Variants in PSG5 observed in about 807,000 individuals in gnomAD.
PSG5 encodes the protein pregnancy-specific beta-1-glycoprotein 5.
In PSG5, 53 loss-of-function variants were observed where a neutral mutation model predicts 37.7. The observed-to-expected ratio is 1.41, with a 90% CI of 1.13 to 1.77. The LOEUF is 1.77. Among genes scored for constraint, PSG5 ranks in the 40% most tolerant of loss-of-function variants. The probability of loss-of-function intolerance (pLI) is 0.00; values close to 1 mark genes in which losing one functional copy is unlikely to be tolerated. For missense variants in PSG5, 547 were observed against 405.2 expected, an observed-to-expected ratio of 1.35 and a Z score of -3.00; for synonymous variants, 221 against 155.4, an observed-to-expected ratio of 1.42 and a Z score of -3.14.
intron 1 of PSG5, among the ~76,000 whole-genome samples, chr19:43,185,757 T>C (rs1235746426): frequency 6.6e-6 from 1 of 151,496 alleles, no homozygotes; most frequent in African/African-American, 2.4e-5. Flanking sequence ...CCCCCAATTG[T>C]TGAGGATTTT....
intron 4 of PSG5, chr19:43,171,518 G>T (rs1330012692): frequency 1.0e-5 from 3 of 292,866 alleles, no homozygotes; most frequent in African/African-American, 2.2e-5. Flanking sequence ...AAATAATAAG[G>T]ATTAGAGTGG....
intron 5 of PSG5, 70 bp from the exon 6 acceptor site, chr19:43,168,273 A>G (rs2122189732): frequency 2.7e-6 from 1 of 372,948 alleles, no homozygotes; most frequent in Non-Finnish European, 5.0e-6. Flanking sequence ...GTAAAGACAC[A>G]GCTCACATAG....
At chr19:43,185,908 C>A (rs1966928073) in intron 1 of PSG5, among the ~76,000 whole-genome samples, 1 of 148,422 alleles carries the variant, frequency 6.7e-6, no homozygotes, top group Admixed American at 6.7e-5. Context: ...ACCTCTGTCC[C>A]TCTCTGGTGT....
rs185132325 is a variant in PSG5 at position 43,179,256 on chromosome 19, C to A, written c.431-3108G>T. ...TTGGCATTTCCCACCTGTCAGCCCA[C>A]CCAAGTCCTTAAAAGCCCATGGCAG... On this transcript the variant is annotated intron_variant, in intron 2 of 5. Transcript: ENST00000342951. 4.7e-3 allele frequency: 6,462 copies of A among 1,368,954 alleles called. 142 individuals are homozygous for A. Among genetic ancestry groups the A allele is most frequent in the Non-Finnish European group, 5.8e-3 (5,818 of 995,782 alleles). The allele number at this position is 1,368,954 out of a possible 1,614,324, so 84.8% of individuals were successfully genotyped here. A position where few individuals can be genotyped will look rare whatever the true frequency, so the allele number is the denominator to read the frequency against.
chr19:43,179,915 G>A (rs1489804521), intron 2 of PSG5, among the ~76,000 whole-genome samples: 3 of 151,780 alleles, frequency 2.0e-5, no homozygotes, highest in Non-Finnish European at 4.4e-5. Context: ...TCCCCTTGTA[G>A]AGGGCAGGTG....
intron 4 of PSG5, among the ~76,000 whole-genome samples, chr19:43,172,909 C>A (rs1054996773): frequency 9.9e-5 from 15 of 151,504 alleles, no homozygotes; most frequent in Non-Finnish European, 1.6e-4. Flanking sequence ...TCTCATGACT[C>A]TAAATAGACA....
intron 2 of PSG5, chr19:43,178,771 G>A (rs1287452513): frequency 1.5e-5 from 24 of 1,606,504 alleles, no homozygotes; most frequent in Non-Finnish European, 1.9e-5. Flanking sequence ...TTGATGTCCA[G>A]GGGTAAAGGT....
At chr19:43,178,938 C>T (rs1344067705) in intron 2 of PSG5, 1 of 1,612,878 alleles carries the variant, frequency 6.2e-7, no homozygotes, top group South Asian at 1.1e-5. Context: ...CCGTATTTCA[C>T]ATTCATAGGG....
chr19:43,182,705 A>ATTTTTTTTTTTTTTTTTTTTTTTTTTTTT (rs534568803), intron 2 of PSG5, among the ~76,000 whole-genome samples: 5 of 58,468 alleles, frequency 8.6e-5, no homozygotes, highest in Admixed American at 1.5e-4. Context: ...CATTTCAATA[A>ATTTTTTTTTTTTTTTTTTTTTTTTTTTTT]TTTTTTTTTT....
Position 43,167,825 on chromosome 19 carries a change from A to T in PSG5, c.*419T>A. 1 of 266,394 alleles carries T rather than the reference A, an allele frequency of 3.8e-6. No homozygotes were observed. 16.5% of individuals were successfully genotyped at this position (266,394 alleles called of 1,614,324 possible). ...CCAATTCTGGGGCACTCAGATAGAG[A>T]GCAAAAGCAAATGTTTCAATTTTTG... On this transcript the variant is annotated 3_prime_UTR_variant, in exon 6 of 6. Transcript: ENST00000342951.
At chr19:43,185,255 C>T in intron 1 of PSG5, 108 bp from the exon 2 acceptor site, 2 of 1,340,266 alleles carry the variant, frequency 1.5e-6, no homozygotes, top group Non-Finnish European at 2.1e-6. Context: ...CTTGAAGACA[C>T]ACACACACAC....
In PSG5 at chr19:43,180,792, G is replaced by A. The variant is rs996721510; in HGVS notation, c.430+3990C>T. Among the ~76,000 whole-genome samples the A allele has an allele frequency of 3.9e-5, 4 of 101,624 alleles. 1 individual carries two copies. The highest frequency in any genetic ancestry group is 1.9e-4 in the African/African-American group (4 of 21,328). The allele number at this position is 101,624 out of a possible 152,430, so 66.7% of individuals were successfully genotyped here. A position where few individuals can be genotyped will look rare whatever the true frequency, so the allele number is the denominator to read the frequency against. ...AGACGCCAAAGGTGATTTGAAATTA[G>A]CAGCTCCTTAAGTAGAGAGTCCCGT... is the stretch of plus-strand genomic sequence containing the variant. On this transcript the variant is annotated intron_variant, in intron 2 of 5. Coordinates refer to ENST00000342951, the MANE Select transcript of PSG5 (RefSeq NM_002781.4).
At chr19:43,183,052 G>A (rs1254780379) in intron 2 of PSG5, among the ~76,000 whole-genome samples, 2 of 151,186 alleles carry the variant, frequency 1.3e-5, no homozygotes, top group Non-Finnish European at 2.9e-5. Flanking sequence ...AGCTGTGCAG[G>A]ACAGGGCTTG....
At chr19:43,183,770 G>GAGA (rs1406861430) in intron 2 of PSG5, among the ~76,000 whole-genome samples, 1 of 141,108 alleles carries the variant, frequency 7.1e-6, no homozygotes, top group Non-Finnish European at 1.6e-5. Flanking sequence ...ACTTCTGGTG[G>GAGA]AGAAGATGGG....
chr19:43,176,194 T>C (rs753535792), intron 2 of PSG5, 46 bp from the exon 3 acceptor site: 1 of 1,601,110 alleles, frequency 6.2e-7, no homozygotes. Context: ...GCACCTTTGA[T>C]TCCTCCACAG....
intron 2 of PSG5, among the ~76,000 whole-genome samples, chr19:43,177,588 T>C (rs1317419402): frequency 6.6e-6 from 1 of 151,436 alleles, no homozygotes; most frequent in Non-Finnish European, 1.5e-5. Flanking sequence ...TGCACTCATA[T>C]ATTTTTGAAG....
intron 2 of PSG5, among the ~76,000 whole-genome samples, chr19:43,176,964 C>T (rs192923838): frequency 2.2e-4 from 33 of 151,762 alleles, no homozygotes; most frequent in Non-Finnish European, 4.1e-4. Context: ...TGGATGTTTG[C>T]AAATGCAGAA....
intron 2 of PSG5, among the ~76,000 whole-genome samples, chr19:43,177,695 G>T (rs931718847): frequency 1.3e-5 from 2 of 151,416 alleles, no homozygotes; most frequent in African/African-American, 4.9e-5. Flanking sequence ...TTGTGTTGTG[G>T]CAGTCATTAA....
chr19:43,181,853 A>G lies in PSG5; in HGVS notation c.430+2929T>C, dbSNP rs961464800. On this transcript the variant is annotated intron_variant, in intron 2 of 5. Transcript: ENST00000342951. ...AAATTTCAAGCTTGTTATATGCCTG[A>G]CAGGAAGCCAGAAGTCTCTAAGAAG... Among the ~76,000 whole-genome samples the G allele has an allele frequency of 1.5e-4, 22 of 151,720 alleles. 3 individuals are homozygous for G.
Sources: allele counts gnomAD v4.1 joint callset (sites outside exome capture counted in the v4.1 genomes callset), GRCh38; gene constraint gnomAD v4.1.1; transcripts MANE v1.5; gene names NCBI Gene and HGNC (gene_info 2026-07-23, HGNC 2026-07-21).